COBL: variants seen among roughly 807,000 people sequenced by gnomAD.
COBL encodes the protein cordon-bleu WH2 repeat protein.
In COBL, 51 loss-of-function variants were observed where a neutral mutation model predicts 98.8. The observed-to-expected ratio is 0.52, with a 90% CI of 0.41 to 0.65. The LOEUF is 0.65. COBL is among the 30% of genes least tolerant of loss of function. The pLI is 0.00. For synonymous variants in COBL, 634 were observed against 651.7 expected, an observed-to-expected ratio of 0.97 and a Z score of 0.41; for missense variants, 1,617 against 1,617.5, an observed-to-expected ratio of 1.00 and a Z score of 0.01.
chr7:51,036,306 C>T (rs565321569), intron 8 of COBL, among the ~76,000 whole-genome samples: 124 of 131,540 alleles, frequency 9.4e-4, no homozygotes, highest in African/African-American at 3.5e-3. Flanking sequence ...CACTGCACTA[C>T]AGCCTGGGTG....
In COBL at chr7:51,088,818, G is replaced by A. The variant is rs145800616; in HGVS notation, c.958-3514C>T. Among the ~76,000 whole-genome samples the A allele has an allele frequency of 3.7e-3, 569 of 152,298 alleles. 1 individual carries two copies. The highest frequency in any genetic ancestry group is 6.4e-3 in the Admixed American group (98 of 15,298). ...CTAGCTCGGCCATCTTCTGCACAGG[G>A]GAAGCCCAGCTCCTGCCTGAGGGAA... is the stretch of plus-strand genomic sequence containing the variant. On this transcript the variant is annotated intron_variant, in intron 6 of 12. Transcript: ENST00000265136.
intron 7 of COBL, among the ~76,000 whole-genome samples, chr7:51,079,878 C>T (rs931839566): frequency 6.6e-6 from 1 of 152,224 alleles, no homozygotes; most frequent in Non-Finnish European, 1.5e-5. Flanking sequence ...AGTTCAGAAG[C>T]CCCACATATA....
chr7:51,080,592 T>C (rs1463572527), intron 7 of COBL, among the ~76,000 whole-genome samples: 3 of 152,238 alleles, frequency 2.0e-5, no homozygotes, highest in Non-Finnish European at 2.9e-5. Context: ...TTCTGTGAGA[T>C]GCCTGGTGGA....
At chr7:51,256,123 T>C (rs1797175303) in intron 1 of COBL, among the ~76,000 whole-genome samples, 1 of 152,142 alleles carries the variant, frequency 6.6e-6, no homozygotes, top group Admixed American at 6.5e-5. Context: ...TCGTAGCAGC[T>C]GCACTATCAA....
intron 6 of COBL, among the ~76,000 whole-genome samples, chr7:51,105,985 G>C (rs902472037): frequency 6.7e-6 from 1 of 149,578 alleles, no homozygotes; most frequent in South Asian, 2.1e-4. Flanking sequence ...CTGAGGTCAG[G>C]AGTTCGAGAC....
intron 6 of COBL, among the ~76,000 whole-genome samples, chr7:51,087,255 A>G (rs1006604672): frequency 1.3e-5 from 2 of 152,194 alleles, no homozygotes; most frequent in Non-Finnish European, 2.9e-5. Context: ...ATTTAGTTAT[A>G]GTAGATATCA....
At chr7:51,255,577 T>C (rs1051860074) in intron 1 of COBL, among the ~76,000 whole-genome samples, 6 of 152,058 alleles carry the variant, frequency 3.9e-5, no homozygotes, top group South Asian at 2.1e-4. Context: ...GGTTCACCCA[T>C]GGAAGAGAAC....
At chr7:51,083,139 G>A in intron 7 of COBL, 1 of 1,524,696 alleles carries the variant, frequency 6.6e-7, no homozygotes, top group Non-Finnish European at 8.8e-7. Context: ...GTGTCGGGAG[G>A]AGGGTAGGGC....
At chr7:51,047,531 G>A (rs1054941804) in intron 7 of COBL, among the ~76,000 whole-genome samples, 1 of 152,154 alleles carries the variant, frequency 6.6e-6, no homozygotes, top group African/African-American at 2.4e-5. Flanking sequence ...AAGTAATTTT[G>A]GAATGGATTC....
At chr7:51,127,570 G>A (rs971622507) in intron 6 of COBL, among the ~76,000 whole-genome samples, 3 of 152,274 alleles carry the variant, frequency 2.0e-5, no homozygotes, top group South Asian at 2.1e-4. Context: ...CAGAGTGTAC[G>A]GTGGCCTTGT....
At chr7:51,207,493 G>A (rs1304177241) in intron 2 of COBL, among the ~76,000 whole-genome samples, 2 of 152,078 alleles carry the variant, frequency 1.3e-5, no homozygotes, top group East Asian at 1.9e-4. Flanking sequence ...GAAGCAGGAC[G>A]GTACTGCTGC....
intron 8 of COBL, chr7:51,032,428 G>A (rs911095073): frequency 1.3e-5 from 2 of 152,244 alleles, no homozygotes; most frequent in Non-Finnish European, 2.9e-5. Context: ...AGTGAAAGCT[G>A]AAGGTTTGTT....
chr7:51,139,387 C>T (rs1295679336), intron 5 of COBL, among the ~76,000 whole-genome samples: 1 of 152,194 alleles, frequency 6.6e-6, no homozygotes, highest in Admixed American at 6.5e-5. Flanking sequence ...CATCCCAGTC[C>T]TCCTAGAAGT....
At chr7:51,263,225 G>A (rs1797876810) in intron 1 of COBL, among the ~76,000 whole-genome samples, 1 of 152,124 alleles carries the variant, frequency 6.6e-6, no homozygotes, top group Non-Finnish European at 1.5e-5. Flanking sequence ...CTGGGGAAAG[G>A]TGCAAGAGAC....
At chr7:51,022,679 T>C (rs569833218) in intron 12 of COBL, 11 of 152,346 alleles carry the variant, frequency 7.2e-5, no homozygotes, top group African/African-American at 2.6e-4. Context: ...CGGGCCAGCT[T>C]TCAGCATCTC....
rs145686539 is a variant in COBL, at chr7:51,281,427, G to A, written c.41+35166C>T. ...TCAAATTTCACAAAACTTCCTGAAA[G>A]AAAACAGATTCAAGTAGTTCAGCAA... On this transcript the variant is annotated intron_variant, in intron 1 of 12. Coordinates refer to ENST00000265136, the MANE Select transcript of COBL (RefSeq NM_015198.5). Among the ~76,000 whole-genome samples the A allele has an allele frequency of 2.2e-4, 34 of 152,180 alleles. 1 individual carries two copies. Among genetic ancestry groups the A allele is most frequent in the African/African-American group, 7.5e-4 (31 of 41,518 alleles).
At chr7:51,083,100 C>T (rs977218463) in intron 7 of COBL, 12 of 1,399,210 alleles carry the variant, frequency 8.6e-6, no homozygotes, top group East Asian at 3.3e-5. Flanking sequence ...GCGCCTTCCC[C>T]GGGAAAGCTG....
intron 1 of COBL, among the ~76,000 whole-genome samples, chr7:51,270,992 G>T (rs1346086191): frequency 6.6e-6 from 1 of 152,202 alleles, no homozygotes; most frequent in African/African-American, 2.4e-5. Context: ...GTACAAGCCA[G>T]TCTTCCTCCT....
At chr7:51,104,745 G>A (rs1796104756) in intron 6 of COBL, among the ~76,000 whole-genome samples, 1 of 152,228 alleles carries the variant, frequency 6.6e-6, no homozygotes, top group Admixed American at 6.5e-5. Flanking sequence ...TCTCACTCCT[G>A]TAGGGCACAC....
Sources: allele counts gnomAD v4.1 joint callset (sites outside exome capture counted in the v4.1 genomes callset), GRCh38; gene constraint gnomAD v4.1.1; transcripts MANE v1.5; gene names NCBI Gene and HGNC (gene_info 2026-07-23, HGNC 2026-07-21).